The following TTC7B variants were observed in gnomAD, a reference collection of about 807,000 sequenced individuals.
TTC7B encodes tetratricopeptide repeat domain 7B.
A neutral mutation model predicts 106.8 loss-of-function variants in TTC7B; 28 were observed. That is an observed-to-expected ratio of 0.26 (90% CI 0.19 to 0.36). TTC7B has a LOEUF of 0.36. Ranked by LOEUF, TTC7B falls within the 10% of genes least tolerant of loss-of-function variation. The pLI, the probability that TTC7B is intolerant of heterozygous loss-of-function variation, is 1.00. For synonymous variants in TTC7B, 405 were observed against 430.6 expected (o/e 0.94, Z 0.74); for missense variants, 862 against 1,076.4 (o/e 0.80, Z 2.79).
intron 3 of TTC7B, among the ~76,000 whole-genome samples, chr14:90,769,971 A>G (rs548388269): frequency 6.6e-6 from 1 of 152,114 alleles, no homozygotes; most frequent in Non-Finnish European, 1.5e-5. Flanking sequence ...CAACATAGTG[A>G]GACCCCATCT....
rs1396139107 is a variant in TTC7B at position 90,600,201 on chromosome 14, C to T, written c.1967-6575G>A. Among the ~76,000 whole-genome samples, 1 of 152,218 alleles carries T rather than the reference C, an allele frequency of 6.6e-6. No homozygotes were observed. Among genetic ancestry groups the T allele is most frequent in the African/African-American group, 2.4e-5 (1 of 41,466 alleles). Reference sequence around the variant, plus strand: ...TCTCCATACCTTTTAAAAAACATAACTGCTGTCCCCTCATCTCCCTGGTGC... The same window carrying T: ...TCTCCATACCTTTTAAAAAACATAATTGCTGTCCCCTCATCTCCCTGGTGC... On this transcript the variant is annotated intron_variant, in intron 17 of 19. Coordinates refer to ENST00000328459, the MANE Select transcript of TTC7B (RefSeq NM_001010854.2). This position sits in a 1 kb window ranked among gnomAD's most constrained non-coding sequence, Gnocchi z 4.3.
At chr14:90,766,758 G>A (rs995606750) in intron 3 of TTC7B, 93 of 1,570,594 alleles carry the variant, frequency 5.9e-5, no homozygotes, top group Non-Finnish European at 7.6e-5. Context: ...ATCCATGCCA[G>A]TACAAGATCC....
chr14:90,546,453 C>T (rs1889834005), intron 19 of TTC7B, among the ~76,000 whole-genome samples: 1 of 152,248 alleles, frequency 6.6e-6, no homozygotes, highest in South Asian at 2.1e-4. Context: ...TGGGTTCAGC[C>T]AGGCTTGTCT....
intron 19 of TTC7B, among the ~76,000 whole-genome samples, chr14:90,543,107 C>G (rs1211383324): frequency 1.3e-5 from 2 of 152,126 alleles, no homozygotes; most frequent in African/African-American, 4.8e-5. Flanking sequence ...GTTTAGGAGC[C>G]TTTCATAAGA....
intron 15 of TTC7B, among the ~76,000 whole-genome samples, chr14:90,621,513 C>T (rs1343183705): frequency 4.7e-5 from 7 of 150,436 alleles, no homozygotes; most frequent in African/African-American, 1.7e-4. Flanking sequence ...CACGTGGGTA[C>T]GGCTGGGATG....
intron 6 of TTC7B, among the ~76,000 whole-genome samples, chr14:90,694,096 C>T (rs1257122376): frequency 6.6e-6 from 1 of 152,114 alleles, no homozygotes; most frequent in African/African-American, 2.4e-5. Flanking sequence ...GTGAAGAAAG[C>T]CAATCACAAA....
chr14:90,620,019 C>G (rs562846304), intron 15 of TTC7B, among the ~76,000 whole-genome samples: 3 of 152,036 alleles, frequency 2.0e-5, no homozygotes, highest in Non-Finnish European at 4.4e-5. Context: ...TGAAAGTGGT[C>G]CTAACCCATC....
intron 19 of TTC7B, among the ~76,000 whole-genome samples, chr14:90,550,970 G>T (rs1345878832): frequency 6.6e-6 from 1 of 152,202 alleles, no homozygotes; most frequent in Non-Finnish European, 1.5e-5. Flanking sequence ...TAGCATGATG[G>T]TCTCTGGGGG....
intron 17 of TTC7B, among the ~76,000 whole-genome samples, chr14:90,596,469 G>C (rs1424782008): frequency 2.0e-5 from 3 of 152,240 alleles, no homozygotes; most frequent in Non-Finnish European, 4.4e-5. Flanking sequence ...GTGGTTGTCA[G>C]TTTTAGAGAA....
At chr14:90,635,074 G>A (rs1311622173) in intron 15 of TTC7B, among the ~76,000 whole-genome samples, 1 of 152,120 alleles carries the variant, frequency 6.6e-6, no homozygotes, top group African/African-American at 2.4e-5. Flanking sequence ...TTGTCATTGA[G>A]GAGTCAACTA....
chr14:90,554,619 T>C (rs1199190966), intron 19 of TTC7B, among the ~76,000 whole-genome samples: 5 of 152,204 alleles, frequency 3.3e-5, no homozygotes, highest in Non-Finnish European at 7.3e-5. Flanking sequence ...GGCTCGGGAC[T>C]GGAGGGGCTG....
intron 3 of TTC7B, among the ~76,000 whole-genome samples, chr14:90,778,754 C>T (rs1325897149): frequency 2.0e-5 from 3 of 152,218 alleles, no homozygotes; most frequent in Non-Finnish European, 4.4e-5. Flanking sequence ...CTCAAAGGGG[C>T]GTGCCCATTA....
At chr14:90,785,014 G>A (rs147116963) in intron 2 of TTC7B, among the ~76,000 whole-genome samples, 88 of 152,312 alleles carry the variant, frequency 5.8e-4, no homozygotes, top group East Asian at 5.2e-3. Context: ...GAGGTGGCCA[G>A]ATGACCAAGA....
In TTC7B at chr14:90,663,119, A is replaced by G. The variant is rs1595259002; in HGVS notation, c.1153-4732T>C. On this transcript the variant is annotated intron_variant, in intron 9 of 19. Transcript: ENST00000328459. This position sits in a 1 kb window ranked among gnomAD's most constrained non-coding sequence, Gnocchi z 4.5. ...TTAATTACTTTACAAGCATCGCCTCATCGGGTGACCCTAAGGACCCTGCAA... is the reference window on the plus strand; with the variant it reads ...TTAATTACTTTACAAGCATCGCCTCGTCGGGTGACCCTAAGGACCCTGCAA... Among the ~76,000 whole-genome samples the G allele has an allele frequency of 6.6e-6, 1 of 152,342 alleles. No homozygotes were observed.
chr14:90,715,102 T>C (rs1038597909), intron 5 of TTC7B, among the ~76,000 whole-genome samples: 3 of 152,190 alleles, frequency 2.0e-5, no homozygotes, highest in African/African-American at 7.2e-5. Flanking sequence ...TATCTCAAAT[T>C]GGCCAGACAA....
At chr14:90,611,460 A>T (rs1171658456) in intron 16 of TTC7B, among the ~76,000 whole-genome samples, 1 of 152,208 alleles carries the variant, frequency 6.6e-6, no homozygotes, top group Non-Finnish European at 1.5e-5. Flanking sequence ...TCATGCACTC[A>T]TTCTGGGGTC....
At chr14:90,682,141 G>A (rs1273627661) in intron 7 of TTC7B, among the ~76,000 whole-genome samples, 1 of 151,580 alleles carries the variant, frequency 6.6e-6, no homozygotes, top group African/African-American at 2.4e-5. Context: ...TTTTTTCATG[G>A]CTAGCCGGTT....
At chr14:90,616,862 C>T (rs1595210314) in intron 16 of TTC7B, among the ~76,000 whole-genome samples, 1 of 152,118 alleles carries the variant, frequency 6.6e-6, no homozygotes, top group South Asian at 2.1e-4. Flanking sequence ...TTTTTAGGCC[C>T]CTGACTCTTA....
intron 5 of TTC7B, among the ~76,000 whole-genome samples, chr14:90,709,299 A>G (rs1197108175): frequency 6.6e-6 from 1 of 151,400 alleles, no homozygotes. Flanking sequence ...ATGTCCAACA[A>G]TGATAGACTG....
Sources: allele counts gnomAD v4.1 joint callset (sites outside exome capture counted in the v4.1 genomes callset), GRCh38; gene constraint gnomAD v4.1.1; non-coding constraint Gnocchi (gnomAD v3.1); transcripts MANE v1.5; gene names NCBI Gene and HGNC (gene_info 2026-07-23, HGNC 2026-07-21).